The following PTPRT variants were observed in gnomAD, a reference collection of about 807,000 sequenced individuals.
The protein encoded by PTPRT is receptor-type tyrosine-protein phosphatase T.
Under a neutral mutation model 176.8 loss-of-function variants are expected in PTPRT, and 56 were observed. That is an observed-to-expected ratio of 0.32 (90% CI 0.26 to 0.40). The LOEUF is 0.40. Among genes scored for constraint, PTPRT ranks in the 10% least tolerant of loss-of-function variants. The probability of loss-of-function intolerance (pLI) is 1.00; values close to 1 mark genes in which losing one functional copy is unlikely to be tolerated. For synonymous variants in PTPRT, 783 were observed against 739.0 expected (o/e 1.06, Z -0.96); for missense variants, 1,540 against 1,908.2 (o/e 0.81, Z 3.60).
intron 3 of PTPRT, among the ~76,000 whole-genome samples, chr20:42,784,828 T>A (rs868079287): frequency 7.9e-5 from 12 of 152,294 alleles, no homozygotes; most frequent in Middle Eastern, 3.4e-3. Context: ...TTTATTTTTT[T>A]AAATCTTGAA....
In PTPRT at chr20:42,080,576, G is replaced by T; in HGVS notation, c.*303C>A. 1 of 331,260 alleles carries T rather than the reference G, an allele frequency of 3.0e-6. No individual in the cohort carries two copies. 20.5% of individuals were successfully genotyped at this position (331,260 alleles called of 1,614,324 possible). On this transcript the variant is annotated 3_prime_UTR_variant, in exon 31 of 31. Coordinates refer to ENST00000373187, the MANE Select transcript of PTPRT (RefSeq NM_007050.6). ...AGAGATCCACAAACTCAGAACAAAA[G>T]CAGGTGGTCTGGGAGCCAGAAATCC...
intron 9 of PTPRT, among the ~76,000 whole-genome samples, chr20:42,440,010 G>A (rs185019189): frequency 9.3e-4 from 142 of 152,142 alleles, no homozygotes; most frequent in African/African-American, 3.3e-3. Context: ...GAGTTCAAGC[G>A]ATTCTCCTGC....
chr20:42,108,264 C>T (rs1238289267), intron 23 of PTPRT, among the ~76,000 whole-genome samples: 2 of 151,956 alleles, frequency 1.3e-5, no homozygotes, highest in East Asian at 3.9e-4. Context: ...TTCATTTCAG[C>T]ATCACATAGT....
chr20:43,143,853 G>A (rs2014090203), intron 1 of PTPRT, among the ~76,000 whole-genome samples: 1 of 152,162 alleles, frequency 6.6e-6, no homozygotes, highest in South Asian at 2.1e-4. Context: ...AGACCAGGAT[G>A]GTGTCTAGAG....
intron 9 of PTPRT, among the ~76,000 whole-genome samples, chr20:42,402,652 G>A (rs1340841008): frequency 2.0e-5 from 3 of 152,030 alleles, no homozygotes; most frequent in Non-Finnish European, 2.9e-5. Flanking sequence ...AGAGGAAAGG[G>A]GACTCAACAG....
intron 1 of PTPRT, among the ~76,000 whole-genome samples, chr20:43,108,013 AT>A (rs564054674): frequency 1.4e-3 from 214 of 152,222 alleles, no homozygotes; most frequent in African/African-American, 5.0e-3. Context: ...TGCATAGTGT[AT>A]TTTTCAAAGA....
intron 2 of PTPRT, among the ~76,000 whole-genome samples, chr20:42,874,249 G>A (rs1156711175): frequency 6.6e-6 from 1 of 152,146 alleles, no homozygotes; most frequent in Non-Finnish European, 1.5e-5. Flanking sequence ...TGTTAAATGT[G>A]TCGCTGACAC....
At chr20:42,850,045 C>T (rs546817618) in intron 2 of PTPRT, among the ~76,000 whole-genome samples, 8 of 152,254 alleles carry the variant, frequency 5.3e-5, no homozygotes, top group Non-Finnish European at 1.2e-4. Context: ...CTACATTTCT[C>T]CCTGGGCTGC....
At chr20:42,596,835 G>T (rs2073679906) in intron 7 of PTPRT, among the ~76,000 whole-genome samples, 1 of 152,202 alleles carries the variant, frequency 6.6e-6, no homozygotes, top group South Asian at 2.1e-4. Context: ...AGCAGGTGTT[G>T]ACAAAAATTC....
intron 15 of PTPRT, among the ~76,000 whole-genome samples, chr20:42,203,699 T>C (rs1024380614): frequency 6.6e-6 from 1 of 152,150 alleles, no homozygotes; most frequent in Admixed American, 6.5e-5. Context: ...TTGACCTTAA[T>C]CCACATGGAA....
chr20:42,324,333 A>AC (rs1361361250), intron 11 of PTPRT, among the ~76,000 whole-genome samples: 4 of 152,192 alleles, frequency 2.6e-5, no homozygotes, highest in African/African-American at 9.6e-5. Flanking sequence ...GGCCATAGAG[A>AC]CAGAAATCAG....
At chr20:42,758,845 G>A (rs920340615) in intron 5 of PTPRT, among the ~76,000 whole-genome samples, 14 of 152,230 alleles carry the variant, frequency 9.2e-5, no homozygotes, top group African/African-American at 2.6e-4. Flanking sequence ...TCGCTTGCCC[G>A]AATAAAAACC....
At chr20:42,547,537 A>G (rs1366781709) in intron 7 of PTPRT, among the ~76,000 whole-genome samples, 1 of 152,128 alleles carries the variant, frequency 6.6e-6, no homozygotes, top group African/African-American at 2.4e-5. Context: ...ATTGACAGAT[A>G]AAAGACTGAT....
Position 42,697,281 on chromosome 20 carries a change from G to T in PTPRT, c.860-19122C>A, listed in dbSNP as rs572237039. 5.3e-5 allele frequency among the ~76,000 whole-genome samples: 8 copies of T among 152,322 alleles called. 1 individual carries two copies. In the South Asian group the frequency reaches 1.7e-3, roughly 32 times the overall value. The stretch of plus-strand genomic sequence containing the variant: ...TTCAGATAAACATAAAAGGATACGG[G>T]TTACTGTTATTGAAGGACACTGTCA... On this transcript the variant is annotated intron_variant, in intron 6 of 30. Coordinates refer to ENST00000373187, the MANE Select transcript of PTPRT (RefSeq NM_007050.6).
chr20:42,622,075 G>T (rs1223724217), intron 7 of PTPRT, among the ~76,000 whole-genome samples: 8 of 152,072 alleles, frequency 5.3e-5, no homozygotes, highest in Admixed American at 5.2e-4. Context: ...TAAAGGACAG[G>T]GCTCTCCTTA....
intron 6 of PTPRT, among the ~76,000 whole-genome samples, chr20:42,735,042 C>T (rs533004821): frequency 5.9e-5 from 9 of 152,286 alleles, no homozygotes; most frequent in African/African-American, 1.9e-4. Flanking sequence ...TCCAGAAGTG[C>T]TCAATAAGGA....
chr20:42,390,537 A>G (rs2058790970), intron 9 of PTPRT, among the ~76,000 whole-genome samples: 1 of 152,210 alleles, frequency 6.6e-6, no homozygotes, highest in South Asian at 2.1e-4. Flanking sequence ...TGCTACTTCC[A>G]AGGCTAGTTC....
In PTPRT at chr20:42,992,057, G is replaced by C. The variant is rs187813104; in HGVS notation, c.89-106125C>G. Among the ~76,000 whole-genome samples the C allele has an allele frequency of 8.0e-4, 122 of 152,094 alleles. 1 individual carries two copies. The highest frequency in any genetic ancestry group is 1.2e-3 in the Admixed American group (19 of 15,278). ...TACTATGTGTGACATAATTTCTCTA[G>C]AAATTATATTGAAATATTTAACATT... On this transcript the variant is annotated intron_variant, in intron 1 of 30. Coordinates refer to ENST00000373187, the MANE Select transcript of PTPRT (RefSeq NM_007050.6).
chr20:42,981,431 CTGGCCACGTGAGTTGCTT>C (rs1173940753), intron 1 of PTPRT, among the ~76,000 whole-genome samples: 1 of 152,232 alleles, frequency 6.6e-6, no homozygotes, highest in East Asian at 1.9e-4. Context: ...GACTGTGGCC[CTGGCCACGTGAGTTGCTT>C]TGGCCAATAA....
Sources: gnomAD v4.1 joint callset for allele counts (sites outside exome capture counted in the v4.1 genomes callset) on GRCh38, gnomAD v4.1.1 for gene constraint, MANE v1.5 for transcripts, NCBI Gene and HGNC (gene_info 2026-07-23, HGNC 2026-07-21) for gene names.